The following SENP8 variants were observed in gnomAD, a reference collection of about 807,000 sequenced individuals.
SENP8 encodes SUMO peptidase family member, NEDD8 specific.
A neutral mutation model predicts 14.4 loss-of-function variants in SENP8; 10 were observed. The observed-to-expected ratio is 0.69, with a 90% CI of 0.43 to 1.18. SENP8 has a LOEUF of 1.18. Ranked by LOEUF, SENP8 falls within the 50% of genes most tolerant of loss-of-function variation. The pLI is 0.00. For missense variants in SENP8, 202 were observed against 249.4 expected (o/e 0.81, Z 1.28); for synonymous variants, 94 against 95.5 (o/e 0.98, Z 0.09).
intron 1 of SENP8, among the ~76,000 whole-genome samples, chr15:72,138,535 A>T (rs983344611): frequency 1.3e-5 from 2 of 151,038 alleles, no homozygotes; most frequent in African/African-American, 4.9e-5. Context: ...TTTTTAGTAG[A>T]GATGGGGTTT....
At chr15:72,121,638 CAGG>C (rs1179977894) in intron 1 of SENP8, among the ~76,000 whole-genome samples, 4 of 151,926 alleles carry the variant, frequency 2.6e-5, no homozygotes, top group Non-Finnish European at 5.9e-5. Context: ...GAGACTGAAG[CAGG>C]AGGATTACAT....
At chr15:72,130,934 G>A (rs1279188905) in intron 1 of SENP8, among the ~76,000 whole-genome samples, 1 of 152,154 alleles carries the variant, frequency 6.6e-6, no homozygotes, top group Non-Finnish European at 1.5e-5. Flanking sequence ...AGAATATAGA[G>A]CTAGTGGAAA....
Position 72,139,748 on chromosome 15 carries a change from G to A in SENP8, c.125G>A (p.Ser42Asn), listed in dbSNP as rs1567071827. Residue 42 changes from serine (S) to asparagine (N), a missense_variant, in exon 2 of 2, where the codon AGT becomes AAT. Coordinates refer to ENST00000340912, the MANE Select transcript of SENP8 (RefSeq NM_145204.4). Reference protein sequence around the residue: ...IGFAFEYFANSQFHDCSDHVS... With the variant: ...IGFAFEYFANNQFHDCSDHVS... Reference sequence around the variant, plus strand: ...TTTGCGTTTGAGTACTTTGCCAACAGTCAGTTTCATGACTGCTCTGATCAC... The same window carrying A: ...TTTGCGTTTGAGTACTTTGCCAACAATCAGTTTCATGACTGCTCTGATCAC... The A allele has an allele frequency of 6.2e-7, 1 of 1,614,194 alleles. No homozygotes were observed. The highest frequency in any genetic ancestry group is 1.3e-5 in the African/African-American group (1 of 75,044).
chr15:72,126,745 AT>A (rs2081224379), intron 1 of SENP8, among the ~76,000 whole-genome samples: 1 of 152,214 alleles, frequency 6.6e-6, no homozygotes, highest in Non-Finnish European at 1.5e-5. Context: ...ATTTCTCCTG[AT>A]TTGTCAGGCA....
rs1339099402 is a variant in SENP8 at position 72,125,878 on chromosome 15, C to T, written c.-48+7414C>T. 4.0e-5 allele frequency among the ~76,000 whole-genome samples: 6 copies of T among 151,824 alleles called. No individual in the cohort carries two copies. The South Asian group carries it at 1.2e-3, about 31-fold the overall frequency. On this transcript the variant is annotated intron_variant, in intron 1 of 1. Coordinates refer to ENST00000340912, the MANE Select transcript of SENP8 (RefSeq NM_145204.4). ...TCACTCTGTCGCCCAGGCTGTAGTG[C>T]AGTGGGGTGATCTCGGCTCACTGCA... is the stretch of plus-strand genomic sequence containing the variant.
upstream of SENP8, chr15:72,114,507 A>C (rs1222933830): frequency 6.6e-6 from 1 of 152,250 alleles, no homozygotes; most frequent in African/African-American, 2.4e-5. Flanking sequence ...CAGGTTCCTG[A>C]AGGTTTCATG....
rs2081304196 is a variant in SENP8 at position 72,134,137 on chromosome 15, AGTTTCACC to A, written c.-47-5439_-47-5432del. On this transcript the variant is annotated intron_variant, in intron 1 of 1. Transcript: ENST00000340912. Reference sequence around the variant, plus strand: ...ATTTTTTGTATTTTAGTAGAGACAGAGTTTCACCATGTTGCCTGGGCTGGTCTCGAACT... The same window carrying A: ...ATTTTTTGTATTTTAGTAGAGACAGAATGTTGCCTGGGCTGGTCTCGAACT... Among the ~76,000 whole-genome samples the A allele has an allele frequency of 3.9e-5, 6 of 152,172 alleles. No homozygotes were observed. In the South Asian group the frequency reaches 1.2e-3, roughly 32 times the overall value.
intron 1 of SENP8, among the ~76,000 whole-genome samples, chr15:72,132,479 T>C (rs1032916854): frequency 2.0e-5 from 3 of 152,138 alleles, no homozygotes; most frequent in African/African-American, 7.2e-5. Flanking sequence ...TTTATTGCAC[T>C]TCAGATATGC....
intron 1 of SENP8, among the ~76,000 whole-genome samples, chr15:72,129,142 T>A (rs750820800): frequency 2.0e-5 from 3 of 152,222 alleles, no homozygotes; most frequent in Non-Finnish European, 4.4e-5. Flanking sequence ...CATATTTTAA[T>A]CCCATAAAAT....
rs74666220 is a variant in SENP8, at chr15:72,133,304, T to C, written c.-47-6273T>C. On this transcript the variant is annotated intron_variant, in intron 1 of 1. Transcript: ENST00000340912. Reference sequence around the variant, plus strand: ...CATTAATGGCTCCCACTTCCTCCAGTATAAATTTCAAACTCCTTCACTGGA... The same window carrying C: ...CATTAATGGCTCCCACTTCCTCCAGCATAAATTTCAAACTCCTTCACTGGA... 6.4e-3 allele frequency among the ~76,000 whole-genome samples: 976 copies of C among 152,344 alleles called. 7 individuals carry two copies. Among genetic ancestry groups the C allele is most frequent in the Non-Finnish European group, 0.011 (741 of 68,028 alleles).
At chr15:72,124,815 A>G (rs1217428757) in intron 1 of SENP8, among the ~76,000 whole-genome samples, 3 of 152,270 alleles carry the variant, frequency 2.0e-5, no homozygotes, top group Non-Finnish European at 4.4e-5. Flanking sequence ...ATCAAAAGGT[A>G]GAAGGAAAAA....
upstream of SENP8, chr15:72,117,930 C>T (rs560020564): frequency 7.5e-6 from 3 of 400,504 alleles, no homozygotes; most frequent in Non-Finnish European, 8.8e-6. Context: ...CCAGAGAGCA[C>T]GCGTTGGACC....
Position 72,139,845 on chromosome 15 carries a change from C to A in SENP8, c.222C>A (p.Phe74Leu). 2 of 1,614,212 alleles carry A rather than the reference C, an allele frequency of 1.2e-6. No individual in the cohort carries two copies. The highest frequency in any genetic ancestry group is 1.7e-6 in the Non-Finnish European group (2 of 1,180,052). The change falls in exon 2 of 2, where the codon TTC becomes TTA. Residue 74 changes from phenylalanine (F) to leucine (L), a missense_variant. Coordinates refer to ENST00000340912, the MANE Select transcript of SENP8 (RefSeq NM_145204.4). ...GCAACCCAGCAGAGATTGCCATGTT[C>A]CTTGAACCACTGGACCTCCCCAACA... Reference protein sequence around the residue: ...CTSNPAEIAMFLEPLDLPNKR... With the variant: ...CTSNPAEIAMLLEPLDLPNKR...
rs924413816 is a variant in SENP8 at position 72,141,652 on chromosome 15, A to G, written c.*1390A>G. The G allele has an allele frequency of 6.6e-6, 1 of 152,236 alleles. No individual in the cohort carries two copies. Among genetic ancestry groups the G allele is most frequent in the African/African-American group, 2.4e-5 (1 of 41,460 alleles). The allele number at this position is 152,236 out of a possible 1,614,324, so 9.4% of individuals were successfully genotyped here. Reference sequence around the variant, plus strand: ...CGAGAAGGGAAAACACAGTAAGGGTAAATAAGTACAGGTTACATAGCAGGC... The same window carrying G: ...CGAGAAGGGAAAACACAGTAAGGGTGAATAAGTACAGGTTACATAGCAGGC... On this transcript the variant is annotated 3_prime_UTR_variant, in exon 2 of 2. Transcript: ENST00000340912.
In SENP8 at chr15:72,143,163, A is replaced by C. The variant is rs1186827511; in HGVS notation, c.*2901A>C. 3.3e-5 allele frequency: 5 copies of C among 151,756 alleles called. No individual in the cohort carries two copies. Among genetic ancestry groups the C allele is most frequent in the Non-Finnish European group, 7.3e-5 (5 of 68,042 alleles). The allele number at this position is 151,756 out of a possible 1,614,324, so 9.4% of individuals were successfully genotyped here. A position where few individuals can be genotyped will look rare whatever the true frequency, so the allele number is the denominator to read the frequency against. ...CAGTGAGCTGAGATTGTGCCACTGC[A>C]CTCCAGCCTAGGCAACAGAGCGAGA... On this transcript the variant is annotated 3_prime_UTR_variant, in exon 2 of 2. Coordinates refer to ENST00000340912, the MANE Select transcript of SENP8 (RefSeq NM_145204.4).
intron 1 of SENP8, among the ~76,000 whole-genome samples, chr15:72,133,972 G>A (rs1567069700): frequency 6.6e-6 from 1 of 152,022 alleles, no homozygotes; most frequent in South Asian, 2.1e-4. Flanking sequence ...TTTTTTGGAT[G>A]GAGTCTCGCT....
intron 1 of SENP8, among the ~76,000 whole-genome samples, chr15:72,137,411 A>G (rs150011975): frequency 0.013 from 2,045 of 152,240 alleles, 28 homozygotes; most frequent in African/African-American, 0.023. Flanking sequence ...ATCCCATACT[A>G]CCTTTTAAAA....
chr15:72,138,421 C>T (rs2081347538), intron 1 of SENP8, among the ~76,000 whole-genome samples: 1 of 150,212 alleles, frequency 6.7e-6, no homozygotes, highest in Admixed American at 6.7e-5. Flanking sequence ...ATGATCTCAG[C>T]TCACTGCAAC....
chr15:72,142,266 AT>A lies in SENP8; in HGVS notation c.*2008del, dbSNP rs2081385676. 6.6e-6 allele frequency: 1 copy of A among 152,212 alleles called. No homozygotes were observed. The highest frequency in any genetic ancestry group is 1.5e-5 in the Non-Finnish European group (1 of 68,034). The allele number at this position is 152,212 out of a possible 1,614,324, so 9.4% of individuals were successfully genotyped here. On this transcript the variant is annotated 3_prime_UTR_variant, in exon 2 of 2. Coordinates refer to ENST00000340912, the MANE Select transcript of SENP8 (RefSeq NM_145204.4). Reference sequence around the variant, plus strand: ...CCACAGATTAGTGTCCTCCTATGAAATTTTGAGTATGTCATTTGTAAATGTT... The same window carrying A: ...CCACAGATTAGTGTCCTCCTATGAAATTTGAGTATGTCATTTGTAAATGTT...
Sources: allele counts gnomAD v4.1 joint callset (sites outside exome capture counted in the v4.1 genomes callset), GRCh38; gene constraint gnomAD v4.1.1; transcripts MANE v1.5; gene names NCBI Gene and HGNC (gene_info 2026-07-23, HGNC 2026-07-21).